AGBL3: variants seen among roughly 807,000 people sequenced by gnomAD.
AGBL3 encodes cytosolic carboxypeptidase 3.
In AGBL3, 68 loss-of-function variants were observed where a neutral mutation model predicts 94.5. That is an observed-to-expected ratio of 0.72 (90% confidence interval 0.59 to 0.88). AGBL3 has a LOEUF of 0.88. Ranked by LOEUF, AGBL3 falls within the 40% of genes least tolerant of loss-of-function variation. The pLI, the probability that AGBL3 is intolerant of heterozygous loss-of-function variation, is 0.00. For synonymous variants in AGBL3, 354 were observed against 370.7 expected (o/e 0.95, Z 0.52); for missense variants, 934 against 1,103.8 (o/e 0.85, Z 2.18).
At chr7:135,110,588 G>A (rs1187338298) in intron 15 of AGBL3, among the ~76,000 whole-genome samples, 1 of 152,160 alleles carries the variant, frequency 6.6e-6, no homozygotes, top group Non-Finnish European at 1.5e-5. Flanking sequence ...TTGGGCAGGG[G>A]AGGCTCTCCT....
At chr7:135,052,982 T>C (rs1490203054) in intron 11 of AGBL3, among the ~76,000 whole-genome samples, 1 of 152,168 alleles carries the variant, frequency 6.6e-6, no homozygotes, top group Non-Finnish European at 1.5e-5. Context: ...CTGATACACA[T>C]TGAAGAAAGC....
chr7:135,127,130 T>G (rs923784648), intron 16 of AGBL3, among the ~76,000 whole-genome samples: 7 of 151,780 alleles, frequency 4.6e-5, no homozygotes, highest in Non-Finnish European at 1.0e-4. Flanking sequence ...CTGACAAAGG[T>G]CTAATATCCA....
chr7:135,102,766 A>C (rs1008451405), intron 15 of AGBL3, among the ~76,000 whole-genome samples: 1 of 152,120 alleles, frequency 6.6e-6, no homozygotes, highest in Admixed American at 6.6e-5. Context: ...TAGCAAAAAA[A>C]AATTAACTCA....
chr7:135,004,633 T>TATTA (rs1179190944), intron 4 of AGBL3, among the ~76,000 whole-genome samples: 1 of 151,328 alleles, frequency 6.6e-6, no homozygotes, highest in Non-Finnish European at 1.5e-5. Flanking sequence ...CAGTTTTGGT[T>TATTA]ATTTTCCTAG....
chr7:135,096,442 G>C (rs1350309190), intron 15 of AGBL3, among the ~76,000 whole-genome samples: 2 of 150,194 alleles, frequency 1.3e-5, no homozygotes, highest in African/African-American at 2.4e-5. Flanking sequence ...AGATATATAT[G>C]GCTATTCTTT....
At position 135,118,815 on chromosome 7, in the gene AGBL3, G is replaced by A. The variant is rs528167108; in HGVS notation, c.2342+3204G>A. ...AAAATAGCCTCAGCAGAGAGAGAGAGAAAAAAATATTAAGAACCAAATAGA... is the reference window on the plus strand; with the variant it reads ...AAAATAGCCTCAGCAGAGAGAGAGAAAAAAAAATATTAAGAACCAAATAGA... On this transcript the variant is annotated intron_variant, in intron 16 of 16. Coordinates refer to ENST00000436302, the MANE Select transcript of AGBL3 (RefSeq NM_178563.4). Among the ~76,000 whole-genome samples the A allele has an allele frequency of 2.1e-3, 321 of 151,808 alleles. 1 individual carries two copies. Among genetic ancestry groups the A allele is most frequent in the African/African-American group, 7.0e-3 (291 of 41,422 alleles).
rs1374458692 is a variant in AGBL3, at chr7:135,034,253, A to G, written c.662A>G (p.Tyr221Cys). 2 of 1,551,630 alleles carry G rather than the reference A, an allele frequency of 1.3e-6. No individual in the cohort carries two copies. The highest frequency in any genetic ancestry group is 2.4e-5 in the East Asian group (1 of 40,924). ...ACTAATATGCGAGCAGGAATAGTCT[A>G]CAGATTCACTATTGTCAACTTCACC... is the stretch of plus-strand genomic sequence containing the variant. ...QVTNMRAGIV[Y>C]RFTIVNFTKP... Residue 221 changes from tyrosine to cysteine, a missense_variant, in exon 7 of 17, where the codon TAC becomes TGC. Transcript: ENST00000436302.
intron 15 of AGBL3, among the ~76,000 whole-genome samples, chr7:135,105,447 A>G (rs532897687): frequency 1.3e-5 from 2 of 152,354 alleles, no homozygotes; most frequent in African/African-American, 2.4e-5. Flanking sequence ...AATCTTCTGC[A>G]TATGGCTAGC....
chr7:135,052,456 G>A (rs893968308), intron 11 of AGBL3, among the ~76,000 whole-genome samples: 24 of 152,248 alleles, frequency 1.6e-4, no homozygotes, highest in Middle Eastern at 6.8e-3. Flanking sequence ...GGGGCTATAT[G>A]TGTGGGCTTG....
chr7:135,016,242 T>C (rs538341589), intron 4 of AGBL3, among the ~76,000 whole-genome samples: 1 of 152,334 alleles, frequency 6.6e-6, no homozygotes, highest in African/African-American at 2.4e-5. Flanking sequence ...ATTTATTTGG[T>C]CATGTGTGAT....
chr7:135,130,527 G>C (rs1201464313), intron 16 of AGBL3, among the ~76,000 whole-genome samples: 2 of 148,104 alleles, frequency 1.4e-5, no homozygotes, highest in Non-Finnish European at 3.0e-5. Context: ...CTGTTTGTAA[G>C]GACAGTCTTA....
intron 16 of AGBL3, among the ~76,000 whole-genome samples, chr7:135,124,593 ACGT>A (rs1827598938): frequency 2.0e-5 from 3 of 152,358 alleles, no homozygotes; most frequent in African/African-American, 7.2e-5. Context: ...AACAGAATAT[ACGT>A]TCTTCTCTGT....
At chr7:135,055,094 C>T (rs899766507) in intron 11 of AGBL3, among the ~76,000 whole-genome samples, 1 of 152,122 alleles carries the variant, frequency 6.6e-6, no homozygotes, top group African/African-American at 2.4e-5. Flanking sequence ...CTTGTGGGAA[C>T]GAATCCATCA....
intron 12 of AGBL3, among the ~76,000 whole-genome samples, chr7:135,070,677 G>A (rs574393599): frequency 2.0e-4 from 30 of 151,924 alleles, no homozygotes; most frequent in Non-Finnish European, 4.0e-4. Context: ...ATTCGACAAT[G>A]CTTCATGCTA....
chr7:135,083,386 G>C (rs1821078478), intron 15 of AGBL3, among the ~76,000 whole-genome samples: 1 of 152,038 alleles, frequency 6.6e-6, no homozygotes, highest in African/African-American at 2.4e-5. Flanking sequence ...CCTAAGACTG[G>C]CACTGCCTTT....
chr7:135,073,447 C>G (rs1024677488), intron 12 of AGBL3, among the ~76,000 whole-genome samples: 1 of 151,304 alleles, frequency 6.6e-6, no homozygotes, highest in African/African-American at 2.4e-5. Context: ...CTCCAGCCCA[C>G]GTGACAGTGC....
intron 16 of AGBL3, among the ~76,000 whole-genome samples, chr7:135,122,508 C>T (rs62479725): frequency 0.051 from 7,759 of 152,272 alleles, 279 homozygotes; most frequent in Middle Eastern, 0.18. Flanking sequence ...TTCCCCCCAG[C>T]GAAGCACACC....
chr7:135,035,389 TA>T (rs1363500695), intron 7 of AGBL3, among the ~76,000 whole-genome samples: 9 of 152,084 alleles, frequency 5.9e-5, no homozygotes, highest in African/African-American at 2.2e-4. Flanking sequence ...AGCAAGTTTC[TA>T]AAAGACTTCC....
chr7:134,995,828 A>C (rs1810942502), intron 4 of AGBL3, among the ~76,000 whole-genome samples: 2 of 152,048 alleles, frequency 1.3e-5, no homozygotes, highest in African/African-American at 4.8e-5. Flanking sequence ...CTGTTCTTTT[A>C]TTTTCAGTCT....
Sources: allele counts gnomAD v4.1 joint callset (sites outside exome capture counted in the v4.1 genomes callset), GRCh38; gene constraint gnomAD v4.1.1; transcripts MANE v1.5; gene names NCBI Gene and HGNC (gene_info 2026-07-23, HGNC 2026-07-21).